Variants in SDK1 observed in about 807,000 individuals in gnomAD.
The protein encoded by SDK1 is protein sidekick-1.
Under a neutral mutation model 245.5 loss-of-function variants are expected in SDK1, and 157 were observed. The ratio of observed to expected loss-of-function variants is 0.64; its 90% CI spans 0.56 to 0.73. The LOEUF is 0.73. Ranked by LOEUF, SDK1 falls within the 30% of genes least tolerant of loss-of-function variation. The pLI, the probability that SDK1 is intolerant of heterozygous loss-of-function variation, is 0.00. For synonymous variants in SDK1, 1,647 were observed against 1,278.5 expected (o/e 1.29, Z -6.15); for missense variants, 3,583 against 3,002.3 (o/e 1.19, Z -4.52).
intron 1 of SDK1, among the ~76,000 whole-genome samples, chr7:3,399,584 T>C (rs1778826070): frequency 6.6e-6 from 1 of 152,164 alleles, no homozygotes; most frequent in South Asian, 2.1e-4. Context: ...AGTATCATCC[T>C]GTTGATAAGG....
chr7:3,704,880 G>C (rs1784839633), intron 4 of SDK1, among the ~76,000 whole-genome samples: 1 of 152,080 alleles, frequency 6.6e-6, no homozygotes, highest in South Asian at 2.1e-4. Flanking sequence ...TAAGAGACAG[G>C]GATTCAGTTT....
At chr7:4,061,162 T>A (rs1562748384) in intron 19 of SDK1, among the ~76,000 whole-genome samples, 4 of 152,158 alleles carry the variant, frequency 2.6e-5, no homozygotes, top group Admixed American at 1.3e-4. Flanking sequence ...AAAGTAGTTT[T>A]TTCCAATTCT....
chr7:3,430,134 A>C (rs563477614), intron 1 of SDK1, among the ~76,000 whole-genome samples: 2 of 152,180 alleles, frequency 1.3e-5, no homozygotes, highest in African/African-American at 4.8e-5. Flanking sequence ...CTGTGTTTAC[A>C]TCTGTGCAAG....
At chr7:3,981,149 C>T (rs1477727785) in intron 13 of SDK1, among the ~76,000 whole-genome samples, 3 of 152,144 alleles carry the variant, frequency 2.0e-5, no homozygotes, top group East Asian at 1.9e-4. Flanking sequence ...TGGGAATTCT[C>T]ACAATGTTTC....
intron 4 of SDK1, among the ~76,000 whole-genome samples, chr7:3,726,744 T>C (rs1779019512): frequency 6.6e-6 from 1 of 152,206 alleles, no homozygotes; most frequent in Non-Finnish European, 1.5e-5. Context: ...TTTGACAGTG[T>C]CCTCAGTACC....
chr7:3,576,840 T>G (rs912659844), intron 1 of SDK1, among the ~76,000 whole-genome samples: 2 of 152,064 alleles, frequency 1.3e-5, no homozygotes, highest in Admixed American at 6.5e-5. Flanking sequence ...CAGTGCATAG[T>G]CTCTGCAAAG....
chr7:3,769,551 T>G (rs557618498), intron 4 of SDK1, among the ~76,000 whole-genome samples: 33 of 152,258 alleles, frequency 2.2e-4, no homozygotes, highest in African/African-American at 7.0e-4. Context: ...ACTATCACAT[T>G]GGGTATTAAT....
At chr7:4,149,722 C>A (rs375603158) in intron 30 of SDK1, among the ~76,000 whole-genome samples, 1 of 152,050 alleles carries the variant, frequency 6.6e-6, no homozygotes, top group African/African-American at 2.4e-5. Flanking sequence ...ACCCCAGGAC[C>A]CAGGGATTGG....
intron 1 of SDK1, among the ~76,000 whole-genome samples, chr7:3,484,389 C>A (rs189648721): frequency 6.6e-6 from 1 of 152,208 alleles, no homozygotes; most frequent in East Asian, 1.9e-4. Context: ...TTCCACAAGG[C>A]CGACTTCGGG....
chr7:3,465,711 C>T (rs756546575), intron 1 of SDK1, among the ~76,000 whole-genome samples: 16 of 152,086 alleles, frequency 1.1e-4, no homozygotes, highest in Non-Finnish European at 1.9e-4. Context: ...CATTCAGGCG[C>T]GTGTCTGGGA....
At chr7:3,846,371 C>T (rs1410570324) in intron 5 of SDK1, among the ~76,000 whole-genome samples, 3 of 152,096 alleles carry the variant, frequency 2.0e-5, no homozygotes, top group Non-Finnish European at 2.9e-5. Context: ...GAATTCCAGC[C>T]TTTGATTTTA....
At chr7:3,837,052 C>T (rs369990134) in intron 5 of SDK1, among the ~76,000 whole-genome samples, 29 of 152,184 alleles carry the variant, frequency 1.9e-4, no homozygotes, top group East Asian at 9.6e-4. Flanking sequence ...GTGTTAGAGA[C>T]ACCGCATGAT....
chr7:3,379,522 A>G (rs1205951685), intron 1 of SDK1, among the ~76,000 whole-genome samples: 1 of 152,086 alleles, frequency 6.6e-6, no homozygotes, highest in Non-Finnish European at 1.5e-5. Context: ...TCGTAGATGG[A>G]GGGGAACGGG....
chr7:3,695,188 T>G (rs1784537963), intron 4 of SDK1, among the ~76,000 whole-genome samples: 2 of 152,202 alleles, frequency 1.3e-5, no homozygotes, highest in Non-Finnish European at 2.9e-5. Context: ...ATGGTCTACT[T>G]ACACTAGGCG....
chr7:3,734,808 A>G (rs1373709949), intron 4 of SDK1, among the ~76,000 whole-genome samples: 1 of 152,214 alleles, frequency 6.6e-6, no homozygotes, highest in African/African-American at 2.4e-5. Flanking sequence ...TAAACAGATT[A>G]TAGTATTGTT....
chr7:3,804,012 C>A (rs1307327639), intron 4 of SDK1, among the ~76,000 whole-genome samples: 1 of 152,186 alleles, frequency 6.6e-6, no homozygotes, highest in Non-Finnish European at 1.5e-5. Flanking sequence ...GATCCACCTG[C>A]CTTGGCCTCC....
intron 20 of SDK1, among the ~76,000 whole-genome samples, chr7:4,069,821 CCACACAAGGGGTGTCTTATAA>C (rs1236630146): frequency 5.3e-5 from 8 of 152,350 alleles, no homozygotes; most frequent in African/African-American, 1.9e-4. Flanking sequence ...TTCTCAGCAA[CCACACAAGGGGTGTCTTATAA>C]CCGAGGCCTG....
intron 13 of SDK1, among the ~76,000 whole-genome samples, chr7:3,984,915 ACC>A (rs1783707998): frequency 6.6e-6 from 1 of 151,942 alleles, no homozygotes; most frequent in Admixed American, 6.6e-5. Flanking sequence ...TTTTCCCTCA[ACC>A]CTGTCTGGCC....
chr7:4,205,993 A>C lies in SDK1; in HGVS notation c.5213A>C (p.Lys1738Thr), dbSNP rs1435195586. ...CAGAATGGGAACATCCAAGGCTACA[A>C]GGCAAGGCCCTCCCGTGCGGTTGCC... ...ESQNGNIQGY[K>T]IYYWEADSQN... is the part of the protein sequence containing the mutation. Residue 1738 changes from lysine (K) to threonine (T), a missense_variant and splice_region_variant, in exon 36 of 45, where the codon AAG becomes ACG. Physicochemically the swap from Lys to Thr is moderately conservative, Grantham distance 78. Transcript: ENST00000404826. The C allele has an allele frequency of 1.3e-6, 2 of 1,536,226 alleles. No individual in the cohort carries two copies. The highest frequency in any genetic ancestry group is 2.4e-5 in the South Asian group (2 of 81,738).
Sources: gnomAD v4.1 joint callset for allele counts (sites outside exome capture counted in the v4.1 genomes callset) on GRCh38, gnomAD v4.1.1 for gene constraint, MANE v1.5 for transcripts, NCBI Gene and HGNC (gene_info 2026-07-23, HGNC 2026-07-21) for gene names.